PMM2: variants seen among roughly 807,000 people sequenced by gnomAD.
The protein encoded by PMM2 is mannose-6-phosphate isomerase.
Under a neutral mutation model 33.2 loss-of-function variants are expected in PMM2, and 35 were observed. That is an observed-to-expected ratio of 1.06 (90% CI 0.81 to 1.40). PMM2 has a LOEUF of 1.40. Among genes scored for constraint, PMM2 ranks in the 40% most tolerant of loss-of-function variants. PMM2 has a pLI of 0.00. For missense variants in PMM2, 386 were observed against 306.0 expected, an observed-to-expected ratio of 1.26 and a Z score of -1.95; for synonymous variants, 153 against 114.7, an observed-to-expected ratio of 1.33 and a Z score of -2.13.
chr16:8,820,236 G>T (rs1436828177), intron 7 of PMM2, among the ~76,000 whole-genome samples: 2 of 151,906 alleles, frequency 1.3e-5, no homozygotes, highest in African/African-American at 4.8e-5. Context: ...CTTAAAAGAG[G>T]TTTGTATCAG....
At chr16:8,847,671 A>G in intron 7 of PMM2, 53 bp from the exon 8 acceptor site, 2 of 1,367,698 alleles carry the variant, frequency 1.5e-6, no homozygotes, top group Non-Finnish European at 2.1e-6. Flanking sequence ...CACATCAGCA[A>G]TGGCCCGGGA....
intron 7 of PMM2, chr16:8,832,949 T>A (rs1304897858): frequency 3.1e-6 from 2 of 643,520 alleles, no homozygotes; most frequent in African/African-American, 5.1e-5. Flanking sequence ...AAGAGCTGTC[T>A]GTTGATGACT....
At chr16:8,826,348 T>G (rs990011890) in intron 7 of PMM2, among the ~76,000 whole-genome samples, 2 of 152,178 alleles carry the variant, frequency 1.3e-5, no homozygotes, top group Non-Finnish European at 2.9e-5. Flanking sequence ...ACATACCAAG[T>G]GCAGAGCCTA....
At chr16:8,833,118 A>G (rs1020500865) in intron 7 of PMM2, among the ~76,000 whole-genome samples, 3 of 152,206 alleles carry the variant, frequency 2.0e-5, no homozygotes, top group Admixed American at 6.5e-5. Context: ...ACCTGGGTGC[A>G]GGCGGGCTGA....
chr16:8,840,404 T>C (rs1359186050), intron 7 of PMM2, among the ~76,000 whole-genome samples: 1 of 151,914 alleles, frequency 6.6e-6, no homozygotes, highest in African/African-American at 2.4e-5. Flanking sequence ...ACCGGCCGTG[T>C]AAACAAGAGT....
intron 7 of PMM2, among the ~76,000 whole-genome samples, chr16:8,831,144 C>CAA (rs61001447): frequency 6.6e-6 from 1 of 151,556 alleles, no homozygotes; most frequent in African/African-American, 2.4e-5. Flanking sequence ...TCTCCAAAAA[C>CAA]AAAAAAAACA....
At chr16:8,818,369 C>A (rs186925248) in intron 7 of PMM2, among the ~76,000 whole-genome samples, 1 of 152,154 alleles carries the variant, frequency 6.6e-6, no homozygotes, top group Non-Finnish European at 1.5e-5. Context: ...TTTTCGTCAG[C>A]GGTTTTCTAG....
At chr16:8,822,736 A>C (rs1432454333) in intron 7 of PMM2, among the ~76,000 whole-genome samples, 1 of 152,220 alleles carries the variant, frequency 6.6e-6, no homozygotes, top group Non-Finnish European at 1.5e-5. Context: ...CAGGGAGCGT[A>C]GTCAGGGTAG....
intron 7 of PMM2, 163 bp from the exon 8 acceptor site, chr16:8,847,561 G>A (rs2060935505): frequency 1.5e-6 from 1 of 653,790 alleles, no homozygotes; most frequent in South Asian, 1.7e-5. Flanking sequence ...AATAACAATT[G>A]TACTCACGTT....
chr16:8,832,276 G>T (rs535503823), intron 7 of PMM2: 21 of 985,308 alleles, frequency 2.1e-5, no homozygotes, highest in Non-Finnish European at 2.5e-5. Flanking sequence ...ATGCTCCTGC[G>T]AGCCGTGCGG....
rs556572749 is a variant in PMM2 at position 8,832,745 on chromosome 16, T to C, written c.640-14979T>C. 62 of 985,240 alleles carry C rather than the reference T, an allele frequency of 6.3e-5. No individual in the cohort carries two copies. The African/African-American group carries it at 1.0e-3, about 17-fold the overall frequency. The allele number at this position is 985,240 out of a possible 1,614,324, so 61.0% of individuals were successfully genotyped here. On this transcript the variant is annotated intron_variant, in intron 7 of 7. Coordinates refer to ENST00000268261, the MANE Select transcript of PMM2 (RefSeq NM_000303.3). ...CCCGGGCTTGCAGGCTTCAGGCGGC[T>C]ACCCGTGAAATCCCAGGTGCTTACC... is the stretch of plus-strand genomic sequence containing the variant.
chr16:8,844,047 C>T (rs2060907830), intron 7 of PMM2, among the ~76,000 whole-genome samples: 1 of 152,152 alleles, frequency 6.6e-6, no homozygotes, highest in Admixed American at 6.5e-5. Flanking sequence ...TCAGGCACCT[C>T]AGACTGTTTG....
At chr16:8,838,420 A>G (rs1035252542) in intron 7 of PMM2, among the ~76,000 whole-genome samples, 2 of 152,006 alleles carry the variant, frequency 1.3e-5, no homozygotes, top group African/African-American at 4.8e-5. Context: ...TCTTATGTTA[A>G]TAAGAAAAAT....
chr16:8,803,454 A>G (rs575956592), intron 2 of PMM2, among the ~76,000 whole-genome samples: 1 of 152,348 alleles, frequency 6.6e-6, no homozygotes, highest in South Asian at 2.1e-4. Context: ...GAGACATGCA[A>G]CAATAGAATC....
intron 7 of PMM2, among the ~76,000 whole-genome samples, chr16:8,817,884 G>A (rs2060716756): frequency 6.7e-6 from 1 of 149,970 alleles, no homozygotes; most frequent in South Asian, 2.1e-4. Flanking sequence ...TATCATATTA[G>A]TGAATATTCT....
chr16:8,834,963 A>C (rs1373909693), intron 7 of PMM2, among the ~76,000 whole-genome samples: 1 of 152,210 alleles, frequency 6.6e-6, no homozygotes, highest in Non-Finnish European at 1.5e-5. Flanking sequence ...ACAAAGAGTG[A>C]GTACAGCTGA....
Position 8,848,764 on chromosome 16 carries a change from C to T in PMM2, c.*939C>T, listed in dbSNP as rs1420366442. Reference sequence around the variant, plus strand: ...ATGGAGCGAGAGCCCAGCCAGAGAACAGTAAGAGGAGCTGCTCTCCTATCT... The same window carrying T: ...ATGGAGCGAGAGCCCAGCCAGAGAATAGTAAGAGGAGCTGCTCTCCTATCT... On this transcript the variant is annotated 3_prime_UTR_variant, in exon 8 of 8. Coordinates refer to ENST00000268261, the MANE Select transcript of PMM2 (RefSeq NM_000303.3). The T allele has an allele frequency of 2.0e-5, 3 of 152,242 alleles. No individual in the cohort carries two copies. Among genetic ancestry groups the T allele is most frequent in the African/African-American group, 4.8e-5 (2 of 41,460 alleles). 9.4% of individuals were successfully genotyped at this position (152,242 alleles called of 1,614,324 possible).
At chr16:8,806,970 G>C (rs1405059024) in intron 4 of PMM2, 1 of 155,132 alleles carries the variant, frequency 6.4e-6, no homozygotes, top group Non-Finnish European at 1.4e-5. Flanking sequence ...TCATGTAAAA[G>C]TCTGATTTTA....
intron 7 of PMM2, among the ~76,000 whole-genome samples, chr16:8,821,185 C>T (rs761488387): frequency 1.3e-5 from 2 of 152,278 alleles, no homozygotes; most frequent in Admixed American, 6.5e-5. Context: ...GTCCCTCACT[C>T]CTGGAGGGAC....
Sources: allele counts gnomAD v4.1 joint callset (sites outside exome capture counted in the v4.1 genomes callset), GRCh38; gene constraint gnomAD v4.1.1; transcripts MANE v1.5; gene names NCBI Gene and HGNC (gene_info 2026-07-23, HGNC 2026-07-21).